The following RBM19 variants were observed in gnomAD, a reference collection of about 807,000 sequenced individuals.
RBM19 encodes probable RNA-binding protein 19.
Under a neutral mutation model 116.8 loss-of-function variants are expected in RBM19, and 94 were observed. The observed-to-expected ratio is 0.80, with a 90% CI of 0.68 to 0.95. The LOEUF is 0.95. Ranked by LOEUF, RBM19 falls within the 40% of genes least tolerant of loss-of-function variation. RBM19 has a pLI of 0.00. For missense variants in RBM19, 1,161 were observed against 1,220.7 expected (o/e 0.95, Z 0.73); for synonymous variants, 475 against 494.1 (o/e 0.96, Z 0.51).
At chr12:113,834,541 C>T (rs1038175518) in intron 23 of RBM19, among the ~76,000 whole-genome samples, 5 of 152,170 alleles carry the variant, frequency 3.3e-5, no homozygotes, top group Non-Finnish European at 5.9e-5. Flanking sequence ...CTGTCACAAC[C>T]GCTCAGCTTT....
intron 13 of RBM19, 149 bp downstream of exon 13, chr12:113,945,679 C>A: frequency 1.5e-6 from 1 of 645,542 alleles, no homozygotes; most frequent in Admixed American, 3.0e-5. Flanking sequence ...TGGGAGAGCA[C>A]CTTCCATTCC....
intron 6 of RBM19, 70 bp from the exon 7 acceptor site, chr12:113,955,281 T>C: frequency 1.4e-6 from 2 of 1,463,860 alleles, no homozygotes; most frequent in Admixed American, 1.7e-5. Flanking sequence ...GGTGGCACAC[T>C]GGGACATTTC....
At chr12:113,901,503 A>G (rs116963192) in intron 21 of RBM19, among the ~76,000 whole-genome samples, 2,781 of 151,196 alleles carry the variant, frequency 0.018, 28 homozygotes, top group Middle Eastern at 0.042. Flanking sequence ...TCTTTTATTC[A>G]TTCATTCATT....
At chr12:113,927,656 A>C (rs919182485) in intron 16 of RBM19, among the ~76,000 whole-genome samples, 4 of 152,116 alleles carry the variant, frequency 2.6e-5, no homozygotes, top group African/African-American at 9.7e-5. Flanking sequence ...AATGCAACTT[A>C]AAACTTTTAA....
chr12:113,849,448 C>T (rs1877273331), intron 22 of RBM19, among the ~76,000 whole-genome samples: 1 of 152,254 alleles, frequency 6.6e-6, no homozygotes, highest in Admixed American at 6.5e-5. Context: ...CCTTCAAACC[C>T]CTGCACTTTA....
intron 21 of RBM19, among the ~76,000 whole-genome samples, chr12:113,893,385 C>T (rs1181258691): frequency 6.6e-6 from 1 of 152,166 alleles, no homozygotes; most frequent in South Asian, 2.1e-4. Context: ...CCGCCTTGCC[C>T]TCCCAAAAGT....
At chr12:113,907,624 A>G (rs1248213051) in intron 21 of RBM19, among the ~76,000 whole-genome samples, 2 of 152,150 alleles carry the variant, frequency 1.3e-5, no homozygotes, top group Non-Finnish European at 2.9e-5. Context: ...CTTTATTTGT[A>G]ACCCCTGTAT....
At chr12:113,906,960 C>G (rs187002779) in intron 21 of RBM19, among the ~76,000 whole-genome samples, 1 of 151,996 alleles carries the variant, frequency 6.6e-6, no homozygotes, top group South Asian at 2.1e-4. Context: ...GAGGCAGAGA[C>G]GGGACTGACA....
chr12:113,860,443 C>T (rs572400282), intron 21 of RBM19, among the ~76,000 whole-genome samples: 9 of 152,340 alleles, frequency 5.9e-5, no homozygotes, highest in South Asian at 2.1e-4. Context: ...CTTGTAAGCT[C>T]GTTCAGATGA....
In RBM19 at chr12:113,834,070, C is replaced by T. The variant is rs10431375; in HGVS notation, c.2785+10598G>A. ...ATATTTTACCCTTTCTAATTTCCACCGCAGGACTTGGTATCATTAGAACTT... is the reference window on the plus strand; with the variant it reads ...ATATTTTACCCTTTCTAATTTCCACTGCAGGACTTGGTATCATTAGAACTT... On this transcript the variant is annotated intron_variant, in intron 23 of 23. Transcript: ENST00000261741. 1.4e-4 allele frequency among the ~76,000 whole-genome samples: 21 copies of T among 151,994 alleles called. No individual in the cohort carries two copies. In the South Asian group the frequency reaches 3.9e-3, roughly 29 times the overall value.
chr12:113,952,506 T>A lies in RBM19; in HGVS notation c.1000+6A>T. On this transcript the variant is annotated splice_donor_region_variant and intron_variant, in intron 8 of 23. Transcript: ENST00000261741. ...CCTTCCCACCTGGAAACATCCTGGA[T>A]CTTACCTGTTTTATTCCCATGAGCG... The A allele has an allele frequency of 6.2e-7, 1 of 1,611,400 alleles. No homozygotes were observed. The highest frequency in any genetic ancestry group is 8.5e-7 in the Non-Finnish European group (1 of 1,177,666).
rs918388017 is a variant in RBM19 at position 113,823,034 on chromosome 12, T to A, written c.*190A>T. ...AACGCGTCACTGGTGAAACCCAGGA[T>A]GCCTGGGCCGCTGGGCAGTGGCCTG... On this transcript the variant is annotated 3_prime_UTR_variant, in exon 24 of 24. Coordinates refer to ENST00000261741, the MANE Select transcript of RBM19 (RefSeq NM_016196.4). 85 of 592,940 alleles carry A rather than the reference T, an allele frequency of 1.4e-4. No individual in the cohort carries two copies. Among genetic ancestry groups the A allele is most frequent in the Admixed American group, 9.1e-4 (30 of 33,146 alleles). 36.7% of individuals were successfully genotyped at this position (592,940 alleles called of 1,614,324 possible).
Position 113,948,941 on chromosome 12 carries a change from C to T in RBM19, c.1168G>A (p.Gly390Arg), listed in dbSNP as rs776232799. 1.9e-5 allele frequency: 30 copies of T among 1,614,090 alleles called. No individual in the cohort carries two copies. The Middle Eastern group carries it at 1.2e-3, about 62-fold the overall frequency. The change falls in exon 10 of 24, where the codon GGG becomes AGG. Residue 390 changes from glycine to arginine, a missense_variant. Transcript: ENST00000261741. Reference sequence around the variant, plus strand: ...AGGTCCTCCTCCTCTTCGTTCTCCCCGAGTATCCGGCCTTGCCAGGATTTG... The same window carrying T: ...AGGTCCTCCTCCTCTTCGTTCTCCCTGAGTATCCGGCCTTGCCAGGATTTG... ...TTKSWQGRIL[G>R]ENEEEEDLAE...
In RBM19 at chr12:113,825,724, C is replaced by T. The variant is rs1205654886; in HGVS notation, c.2786-2403G>A. Among the ~76,000 whole-genome samples the T allele has an allele frequency of 6.6e-6, 1 of 151,744 alleles. No homozygotes were observed. The highest frequency in any genetic ancestry group is 1.5e-5 in the Non-Finnish European group (1 of 68,022). ...GGCGAGGGGCGAGTTCTAGCCCCATCCATTGTGTCGGCTCAACCTGTAAGA... is the reference window on the plus strand; with the variant it reads ...GGCGAGGGGCGAGTTCTAGCCCCATTCATTGTGTCGGCTCAACCTGTAAGA... On this transcript the variant is annotated intron_variant, in intron 23 of 23. Coordinates refer to ENST00000261741, the MANE Select transcript of RBM19 (RefSeq NM_016196.4). This position sits in a 1 kb window ranked among gnomAD's most constrained non-coding sequence, Gnocchi z 5.7.
At chr12:113,880,236 A>C (rs1447229606) in intron 21 of RBM19, among the ~76,000 whole-genome samples, 1 of 152,186 alleles carries the variant, frequency 6.6e-6, no homozygotes, top group Admixed American at 6.5e-5. Context: ...TTTATCTAAA[A>C]TTCAAATTAA....
At chr12:113,922,030 C>T (rs901423541) in intron 18 of RBM19, among the ~76,000 whole-genome samples, 5 of 152,160 alleles carry the variant, frequency 3.3e-5, no homozygotes, top group East Asian at 1.9e-4. Flanking sequence ...GATCCTTCCA[C>T]ATGTCCCCAC....
At chr12:113,830,507 A>G (rs577635705) in intron 23 of RBM19, among the ~76,000 whole-genome samples, 43 of 135,416 alleles carry the variant, frequency 3.2e-4, no homozygotes, top group Non-Finnish European at 6.3e-4. Context: ...ACAACCCCAT[A>G]CACAGGGGCT....
At position 113,920,661 on chromosome 12, in the gene RBM19, C is replaced by T. The variant is rs1168718022; in HGVS notation, c.2335G>A (p.Val779Met). The T allele has an allele frequency of 1.2e-6, 2 of 1,614,120 alleles. No homozygotes were observed. Among genetic ancestry groups the T allele is most frequent in the Non-Finnish European group, 1.7e-6 (2 of 1,180,002 alleles). Reference protein sequence around the residue: ...GVLLSMGFGFVEYRKPEQAQK... With the variant: ...GVLLSMGFGFMEYRKPEQAQK... ...GCTTGCTCCGGCTTCCTGTATTCCA[C>T]AAATCCAAACCCCATGGAAAGGAGC... Residue 779 changes from valine to methionine, a missense_variant, in exon 19 of 24, where the codon GTG becomes ATG. Transcript: ENST00000261741.
At chr12:113,963,420 G>A (rs778804533) in intron 1 of RBM19, among the ~76,000 whole-genome samples, 3 of 152,130 alleles carry the variant, frequency 2.0e-5, no homozygotes, top group Non-Finnish European at 4.4e-5. Context: ...AGGGCCCCAC[G>A]AACAGCCAAA....
Sources: gnomAD v4.1 joint callset for allele counts (sites outside exome capture counted in the v4.1 genomes callset) on GRCh38, gnomAD v4.1.1 for gene constraint, Gnocchi (gnomAD v3.1) non-coding constraint, MANE v1.5 for transcripts, NCBI Gene and HGNC (gene_info 2026-07-23, HGNC 2026-07-21) for gene names.